Variants in ZZEF1 observed in about 807,000 individuals in gnomAD.
ZZEF1 encodes the protein zinc finger ZZ-type and EF-hand domain-containing protein 1.
In ZZEF1, 157 loss-of-function variants were observed where a neutral mutation model predicts 342.8. That is an observed-to-expected ratio of 0.46 (90% CI 0.40 to 0.52). The LOEUF is 0.52. ZZEF1 is among the 20% of genes least tolerant of loss of function. The pLI, the probability that ZZEF1 is intolerant of heterozygous loss-of-function variation, is 0.00. For synonymous variants in ZZEF1, 1,505 were observed against 1,429.1 expected, an observed-to-expected ratio of 1.05 and a Z score of -1.20; for missense variants, 3,480 against 3,725.6, an observed-to-expected ratio of 0.93 and a Z score of 1.72.
intron 1 of ZZEF1, among the ~76,000 whole-genome samples, chr17:4,134,000 A>C (rs1339268223): frequency 6.6e-6 from 1 of 152,200 alleles, no homozygotes; most frequent in African/African-American, 2.4e-5. Flanking sequence ...CCACTGTGCC[A>C]GGCCATTTTT....
chr17:4,038,986 T>C (rs1376896474), intron 39 of ZZEF1, among the ~76,000 whole-genome samples: 1 of 152,136 alleles, frequency 6.6e-6, no homozygotes, highest in East Asian at 1.9e-4. Flanking sequence ...GGACTCTATC[T>C]AGGCAGTTTT....
rs142894172 is a variant in ZZEF1 at position 4,043,670 on chromosome 17, C to T, written c.6166+554G>A. Among the ~76,000 whole-genome samples the T allele has an allele frequency of 1.2e-4, 19 of 152,334 alleles. 1 individual carries two copies. The Middle Eastern group carries it at 0.014, about 109-fold the overall frequency. On this transcript the variant is annotated intron_variant, in intron 38 of 54. Transcript: ENST00000381638. ...CCTCTAGTGTTCCACTCCATCCCTA[C>T]ACACCTGCCAAGAGGGACTTCTCTA...
intron 11 of ZZEF1, among the ~76,000 whole-genome samples, chr17:4,093,074 G>C (rs1356875723): frequency 6.6e-6 from 1 of 152,132 alleles, no homozygotes; most frequent in Non-Finnish European, 1.5e-5. Flanking sequence ...GAGTCATTCA[G>C]GCTGGAATCA....
chr17:4,037,288 T>A (rs1187635969), intron 39 of ZZEF1, among the ~76,000 whole-genome samples: 1 of 152,238 alleles, frequency 6.6e-6, no homozygotes, highest in Non-Finnish European at 1.5e-5. Flanking sequence ...CTTAATCCAG[T>A]GATCAAAGTA....
Position 4,034,228 on chromosome 17 carries a change from G to A in ZZEF1, c.6371C>T (p.Ser2124Leu). 6.2e-7 allele frequency: 1 copy of A among 1,614,212 alleles called. No individual in the cohort carries two copies. The highest frequency in any genetic ancestry group is 8.5e-7 in the Non-Finnish European group (1 of 1,180,042). The change falls in exon 40 of 55, where the codon TCA (serine) becomes TTA (leucine). Residue 2124 changes from serine (S) to leucine (L), a missense_variant. Physicochemically the swap from Ser to Leu is moderately radical, Grantham distance 145. Transcript: ENST00000381638. ...VLPLMFQVVISNAGHLNETYH... is the reference protein window; with the variant it reads ...VLPLMFQVVILNAGHLNETYH... The stretch of plus-strand genomic sequence containing the variant: ...GGTTTCATTCAGGTGGCCTGCGTTT[G>A]AGATGACAACCTGAAACATGAGTGG...
At position 4,113,678 on chromosome 17, in the gene ZZEF1, G is replaced by C. The variant is rs994132610; in HGVS notation, c.866+621C>G. ...AGGCTCCATCTCAAAAAAAAAAAAAGAAGTATAGAAAGGGACCGGGTGCAG... is the reference window on the plus strand; with the variant it reads ...AGGCTCCATCTCAAAAAAAAAAAAACAAGTATAGAAAGGGACCGGGTGCAG... On this transcript the variant is annotated intron_variant, in intron 4 of 54. Coordinates refer to ENST00000381638, the MANE Select transcript of ZZEF1 (RefSeq NM_015113.4). Among the ~76,000 whole-genome samples, 26 of 140,028 alleles carry C rather than the reference G, an allele frequency of 1.9e-4. No homozygotes were observed. In the South Asian group the frequency reaches 2.1e-3, roughly 11 times the overall value. The allele number at this position is 140,028 out of a possible 152,430, so 91.9% of individuals were successfully genotyped here. A position where few individuals can be genotyped will look rare whatever the true frequency, so the allele number is the denominator to read the frequency against.
At chr17:4,100,186 AG>A (rs1221352332) in intron 9 of ZZEF1, among the ~76,000 whole-genome samples, 5 of 152,224 alleles carry the variant, frequency 3.3e-5, no homozygotes, top group African/African-American at 1.2e-4. Flanking sequence ...GATAAGGGGA[AG>A]AAAAAATCAC....
chr17:4,044,467 T>G, intron 37 of ZZEF1, 93 bp from the exon 38 acceptor site: 1 of 1,238,068 alleles, frequency 8.1e-7, no homozygotes, highest in East Asian at 2.5e-5. Context: ...CCAGTCTTCA[T>G]AGACTAAAAA....
At chr17:4,083,270 TC>T (rs1277651250) in intron 16 of ZZEF1, among the ~76,000 whole-genome samples, 3 of 152,352 alleles carry the variant, frequency 2.0e-5, no homozygotes, top group Non-Finnish European at 2.9e-5. Context: ...GCGTCCTGTT[TC>T]TACTTTCTGT....
chr17:4,006,853 G>A lies in ZZEF1; in HGVS notation c.*37C>T, dbSNP rs986443643. 1 of 1,552,024 alleles carries A rather than the reference G, an allele frequency of 6.4e-7. No homozygotes were observed. On this transcript the variant is annotated 3_prime_UTR_variant, in exon 55 of 55. Transcript: ENST00000381638. ...TAGATGTCTGCTCTAAAATCCCTGT[G>A]GCAGATGAACTAGTCCCATGCACGC... is the stretch of plus-strand genomic sequence containing the variant.
Position 4,117,124 on chromosome 17 carries a change from A to C in ZZEF1, c.542T>G (p.Ile181Ser). Residue 181 changes from isoleucine to serine, a missense_variant, in exon 3 of 55, where the codon ATT becomes AGT. Transcript: ENST00000381638. Reference protein sequence around the residue: ...IFSESKEGLDIHSSMILRFLH... With the variant: ...IFSESKEGLDSHSSMILRFLH... The stretch of plus-strand genomic sequence containing the variant: ...GAAGCGCAGTATCATTGACGAGTGA[A>C]TATCAAGGCCCTCCTTCGACTCTGA... 1 of 1,613,920 alleles carries C rather than the reference A, an allele frequency of 6.2e-7. No homozygotes were observed. Among genetic ancestry groups the C allele is most frequent in the Non-Finnish European group, 8.5e-7 (1 of 1,179,876 alleles).
intron 49 of ZZEF1, among the ~76,000 whole-genome samples, chr17:4,015,223 G>A (rs571753623): frequency 3.2e-4 from 48 of 152,210 alleles, no homozygotes; most frequent in Non-Finnish European, 5.4e-4. Flanking sequence ...CTTTGGGATC[G>A]AACCTGGTGG....
Position 4,017,910 on chromosome 17 carries a change from G to A in ZZEF1, c.7567C>T (p.Pro2523Ser), listed in dbSNP as rs1215933231. 1 of 1,614,126 alleles carries A rather than the reference G, an allele frequency of 6.2e-7. No homozygotes were observed. The highest frequency in any genetic ancestry group is 2.2e-5 in the East Asian group (1 of 44,884). The stretch of plus-strand genomic sequence containing the variant: ...TCTTCCAGCCTCAGACTCTTACTGG[G>A]CTGCCACCGCTGAGCCAGGGACCGT... ...RIRSLAQRWQ[P>S]SKSLRLEEQS... Residue 2523 changes from proline (P) to serine (S), a missense_variant, in exon 47 of 55, where the codon CCC becomes TCC. By Grantham distance (74) the Pro-to-Ser change is moderately conservative. Transcript: ENST00000381638. The surrounding 1 kb of genome is among the most constrained non-coding windows in gnomAD (Gnocchi z 5.1).
chr17:4,032,082 G>A, intron 42 of ZZEF1, 44 bp downstream of exon 42: 1 of 1,592,876 alleles, frequency 6.3e-7, no homozygotes, highest in Non-Finnish European at 8.5e-7. Context: ...GAGGGATTAG[G>A]CATTTTTCTT....
intron 46 of ZZEF1, 84 bp downstream of exon 46, chr17:4,019,585 A>C: frequency 8.0e-7 from 1 of 1,247,002 alleles, no homozygotes; most frequent in Admixed American, 2.0e-5. Flanking sequence ...TCGATCCAGA[A>C]GCTGCTGCCA....
At chr17:4,022,976 C>G in intron 43 of ZZEF1, 148 bp from the exon 44 acceptor site, 1 of 1,122,656 alleles carries the variant, frequency 8.9e-7, no homozygotes, top group Non-Finnish European at 1.2e-6. Flanking sequence ...GTCACACTCC[C>G]CTGCTCTAAC....
At chr17:4,087,954 C>T (rs373998068) in intron 13 of ZZEF1, among the ~76,000 whole-genome samples, 2 of 152,138 alleles carry the variant, frequency 1.3e-5, no homozygotes, top group African/African-American at 2.4e-5. Flanking sequence ...TCAATCCTTC[C>T]GTAAGCATGC....
Position 4,064,471 on chromosome 17 carries a change from G to A in ZZEF1, c.4608C>T (p.Leu1536=). The A allele has an allele frequency of 6.2e-7, 1 of 1,614,172 alleles. No homozygotes were observed. The highest frequency in any genetic ancestry group is 1.3e-5 in the African/African-American group (1 of 75,038). Residue 1536 remains leucine, a synonymous_variant, in exon 29 of 55, where the codon CTC becomes CTT. Transcript: ENST00000381638. ...TGGCCTCCTCCATGGATCGAAAGGA[G>A]AGCAGCCGGAGTCGCCCTCGGGTGA... ...PPFTRGRLRL[L]SFRSMEEARL... is the part of the protein sequence containing the mutation.
At chr17:4,049,916 AG>A in intron 36 of ZZEF1, 57 bp from the exon 37 acceptor site, 1 of 1,583,024 alleles carries the variant, frequency 6.3e-7, no homozygotes, top group East Asian at 2.2e-5. Flanking sequence ...AGTTCTTTTC[AG>A]CAAGTGCCAT....
Sources: allele counts gnomAD v4.1 joint callset (sites outside exome capture counted in the v4.1 genomes callset), GRCh38; gene constraint gnomAD v4.1.1; non-coding constraint Gnocchi (gnomAD v3.1); transcripts MANE v1.5; gene names NCBI Gene and HGNC (gene_info 2026-07-23, HGNC 2026-07-21).